The following CCR6 variants were observed in gnomAD, a reference collection of about 807,000 sequenced individuals.
CCR6 encodes C-C motif chemokine receptor 6, also known as C-C chemokine receptor type 6.
CCR6 carries 2 observed loss-of-function variants against 3.0 expected under a neutral mutation model. That is an observed-to-expected ratio of 0.66 (90% CI 0.27 to 2.07). The LOEUF (loss-of-function observed/expected upper bound fraction) is 2.07. CCR6 is among the 30% of genes most tolerant of loss of function. CCR6 has a pLI of 0.14. For missense variants in CCR6, 322 were observed against 462.8 expected, an observed-to-expected ratio of 0.70 and a Z score of 2.79; for synonymous variants, 193 against 184.3, an observed-to-expected ratio of 1.05 and a Z score of -0.38.
At chr6:167,131,000 T>TTGGGACCCCTCCTTC (rs1781753616) in intron 1 of CCR6, among the ~76,000 whole-genome samples, 2 of 117,116 alleles carry the variant, frequency 1.7e-5, no homozygotes, top group Non-Finnish European at 3.5e-5. Context: ...CCCCCTCCCT[T>TTGGGACCCCTCCTTC]TGGGACCCCT....
upstream of CCR6, chr6:167,120,803 T>G (rs909972700): frequency 1.3e-5 from 2 of 152,176 alleles, no homozygotes; most frequent in African/African-American, 4.8e-5. Context: ...AAATGAACAG[T>G]GTGATTTTAA....
chr6:167,137,099 G>A lies in CCR6; in HGVS notation c.869G>A (p.Ser290Asn). The change falls in exon 3 of 3, where the codon AGC becomes AAC. Residue 290 changes from serine to asparagine, a missense_variant. Physicochemically the swap from Ser to Asn is conservative, Grantham distance 46 (BLOSUM62 1). Coordinates refer to ENST00000341935, the MANE Select transcript of CCR6 (RefSeq NM_031409.4). This position sits in a 1 kb window ranked among gnomAD's most constrained non-coding sequence, Gnocchi z 4.6. ...NLGKMNRSCQ[S>N]EKLIGYTKTV... ...GGTAAAATGAACCGATCCTGCCAGA[G>A]CGAAAAGCTAATTGGCTATACGAAA... 1 of 1,614,188 alleles carries A rather than the reference G, an allele frequency of 6.2e-7. No homozygotes were observed. Among genetic ancestry groups the A allele is most frequent in the Non-Finnish European group, 8.5e-7 (1 of 1,180,042 alleles).
At position 167,117,415 on chromosome 6, in the gene CCR6, C is replaced by CTT. The variant is rs35058463; in HGVS notation, c.-98+5419_-98+5420dup. ...GGAACTCTATTTTCTTTTTTTTTTT[C>CTT]TTTTTTTTTTTTTTTTTTTGAGACG... On this transcript the variant is annotated intron_variant, in intron 1 of 2. Transcript: ENST00000400926. 5.4e-3 allele frequency among the ~76,000 whole-genome samples: 597 copies of CTT among 109,914 alleles called. 22 individuals are homozygous for CTT. The highest frequency in any genetic ancestry group is 0.019 in the African/African-American group (512 of 26,896). 72.1% of individuals were successfully genotyped at this position (109,914 alleles called of 152,430 possible). A position where few individuals can be genotyped will look rare whatever the true frequency, so the allele number is the denominator to read the frequency against.
upstream of CCR6, chr6:167,119,133 C>T (rs1781546987): frequency 6.6e-6 from 1 of 152,566 alleles, no homozygotes; most frequent in South Asian, 2.1e-4. Context: ...TTTCTGCCTC[C>T]CCACCCAGGC....
intron 1 of CCR6, among the ~76,000 whole-genome samples, chr6:167,114,043 A>G (rs1159401078): frequency 6.6e-6 from 1 of 152,252 alleles, no homozygotes; most frequent in African/African-American, 2.4e-5. Context: ...AGGTCACACA[A>G]CCGTGACAGA....
intron 1 of CCR6, among the ~76,000 whole-genome samples, chr6:167,114,045 C>T (rs1246115933): frequency 6.6e-6 from 1 of 152,210 alleles, no homozygotes; most frequent in Non-Finnish European, 1.5e-5. Context: ...GTCACACAAC[C>T]GTGACAGACA....
rs1229989828 is a variant in CCR6, at chr6:167,138,457, T to A, written c.*1102T>A. ...ATTAGCTAGGGGACAGCTGGAATTA[T>A]GCTGGCTTCTGATAATTATTTTAAA... On this transcript the variant is annotated 3_prime_UTR_variant, in exon 3 of 3. Coordinates refer to ENST00000341935, the MANE Select transcript of CCR6 (RefSeq NM_031409.4). 2.6e-5 allele frequency: 4 copies of A among 152,346 alleles called. No individual in the cohort carries two copies. The highest frequency in any genetic ancestry group is 5.9e-5 in the Non-Finnish European group (4 of 68,034). 9.4% of individuals were successfully genotyped at this position (152,346 alleles called of 1,614,324 possible). A position where few individuals can be genotyped will look rare whatever the true frequency, so the allele number is the denominator to read the frequency against.
At chr6:167,115,921 G>A (rs1454751006) in intron 1 of CCR6, 2 of 152,124 alleles carry the variant, frequency 1.3e-5, no homozygotes, top group African/African-American at 4.8e-5. Context: ...TATCTATAAT[G>A]TCATGGTCAG....
upstream of CCR6, among the ~76,000 whole-genome samples, chr6:167,121,987 T>C (rs1231862952): frequency 1.3e-5 from 2 of 152,114 alleles, no homozygotes; most frequent in Non-Finnish European, 2.9e-5. Context: ...AGGACACAGG[T>C]CCTGCTGTGT....
At chr6:167,120,139 A>C (rs1241786828), upstream of CCR6, among the ~76,000 whole-genome samples, 1 of 152,110 alleles carries the variant, frequency 6.6e-6, no homozygotes, top group Admixed American at 6.5e-5. Flanking sequence ...CTGGGGGTCA[A>C]CTGGGCTCGG....
intron 1 of CCR6, chr6:167,129,598 A>T (rs1781721633): frequency 6.7e-6 from 1 of 148,266 alleles, no homozygotes. Flanking sequence ...ATATTTTTGA[A>T]ATGCTTTTTT....
intron 1 of CCR6, among the ~76,000 whole-genome samples, chr6:167,133,932 G>GTGTATATATATACATATA (rs1183741225): frequency 5.4e-5 from 6 of 110,340 alleles, no homozygotes; most frequent in East Asian, 2.6e-4. Flanking sequence ...ATATATGTGT[G>GTGTATATATATACATATA]TATATATATA....
intron 1 of CCR6, among the ~76,000 whole-genome samples, chr6:167,113,289 A>T (rs1554280572): frequency 1.3e-5 from 2 of 152,050 alleles, no homozygotes; most frequent in Non-Finnish European, 2.9e-5. Context: ...AGTTCTGATA[A>T]GGGGGGGCTG....
chr6:167,132,075 T>C (rs1316911217), intron 1 of CCR6, among the ~76,000 whole-genome samples: 2 of 152,196 alleles, frequency 1.3e-5, no homozygotes, highest in Non-Finnish European at 2.9e-5. Flanking sequence ...AGGGGTGGAA[T>C]GGTGCAGTGC....
intron 1 of CCR6, among the ~76,000 whole-genome samples, chr6:167,113,867 C>T (rs966072543): frequency 2.0e-4 from 30 of 152,230 alleles, no homozygotes; most frequent in Non-Finnish European, 2.6e-4. Context: ...TTCCTCTTTA[C>T]TTTTTAAAGC....
chr6:167,130,610 T>C (rs1365980199), intron 1 of CCR6, among the ~76,000 whole-genome samples: 2 of 151,854 alleles, frequency 1.3e-5, no homozygotes, highest in Non-Finnish European at 2.9e-5. Flanking sequence ...TTTCAATGAC[T>C]GTGGCTGGCA....
intron 1 of CCR6, chr6:167,129,313 C>G (rs186292680): frequency 6.6e-6 from 1 of 152,328 alleles, no homozygotes; most frequent in Non-Finnish European, 1.5e-5. Flanking sequence ...CTGTTACCAC[C>G]AAGGCTTGGA....
At chr6:167,129,187 C>T (rs905652766) in intron 1 of CCR6, among the ~76,000 whole-genome samples, 1 of 152,176 alleles carries the variant, frequency 6.6e-6, no homozygotes, top group African/African-American at 2.4e-5. Context: ...ACCTAGCAAG[C>T]CACCTAATTG....
rs1256415684 is a variant in CCR6, at chr6:167,136,443, T to C, written c.213T>C (p.Phe71=). ...GGAATATTCTGGTGGTGATCACCTT[T>C]GCTTTTTATAAGAAGGCCAGGTCTA... The part of the protein sequence containing the change: ...LLGNILVVIT[F]AFYKKARSMT... The change falls in exon 3 of 3, where the codon TTT becomes TTC. Residue 71 remains phenylalanine, a synonymous_variant. Transcript: ENST00000341935. The surrounding 1 kb of genome is among the most constrained non-coding windows in gnomAD (Gnocchi z 4.6). 1 of 1,610,144 alleles carries C rather than the reference T, an allele frequency of 6.2e-7. No individual in the cohort carries two copies. Among genetic ancestry groups the C allele is most frequent in the Admixed American group, 1.7e-5 (1 of 59,260 alleles).
Sources: allele counts gnomAD v4.1 joint callset (sites outside exome capture counted in the v4.1 genomes callset), GRCh38; gene constraint gnomAD v4.1.1; non-coding constraint Gnocchi (gnomAD v3.1); transcripts MANE v1.5; gene names NCBI Gene and HGNC (gene_info 2026-07-23, HGNC 2026-07-21).